FSTL5: variants seen among roughly 807,000 people sequenced by gnomAD.
FSTL5 encodes the protein follistatin-related protein 5.
In FSTL5, 62 loss-of-function variants were observed where a neutral mutation model predicts 89.1. The ratio of observed to expected loss-of-function variants is 0.70; its 90% confidence interval spans 0.57 to 0.86. The LOEUF is 0.86. FSTL5 is among the 40% of genes least tolerant of loss of function. FSTL5 has a pLI of 0.00. For synonymous variants in FSTL5, 383 were observed against 346.2 expected, an observed-to-expected ratio of 1.11 and a Z score of -1.18; for missense variants, 1,057 against 1,001.6, an observed-to-expected ratio of 1.06 and a Z score of -0.75.
chr4:161,956,946 T>A (rs911468052), intron 3 of FSTL5, among the ~76,000 whole-genome samples: 2 of 152,118 alleles, frequency 1.3e-5, no homozygotes, highest in Admixed American at 6.6e-5. Context: ...AGCATACTTT[T>A]AAAAAACCTA....
chr4:162,107,945 A>G (rs1286273581), intron 2 of FSTL5, among the ~76,000 whole-genome samples: 1 of 152,176 alleles, frequency 6.6e-6, no homozygotes. Flanking sequence ...GGATTATTAT[A>G]TAAATTACAA....
chr4:161,886,376 T>A (rs1299297360), intron 4 of FSTL5, among the ~76,000 whole-genome samples: 1 of 152,186 alleles, frequency 6.6e-6, no homozygotes, highest in Admixed American at 6.5e-5. Context: ...TTACATAACA[T>A]CATTCTCTAA....
chr4:161,470,539 T>G (rs1286371353), intron 13 of FSTL5, among the ~76,000 whole-genome samples: 1 of 152,168 alleles, frequency 6.6e-6, no homozygotes, highest in Non-Finnish European at 1.5e-5. Context: ...TCCAGCTTTG[T>G]TCTTCTTTTG....
At chr4:162,112,814 C>CACACA (rs1301455972) in intron 1 of FSTL5, among the ~76,000 whole-genome samples, 1 of 146,282 alleles carries the variant, frequency 6.8e-6, no homozygotes, top group South Asian at 2.2e-4. Context: ...CACACACACA[C>CACACA]ACCAGTGGGC....
chr4:162,116,998 C>T (rs1474146982), intron 1 of FSTL5, among the ~76,000 whole-genome samples: 2 of 152,176 alleles, frequency 1.3e-5, no homozygotes, highest in Non-Finnish European at 1.5e-5. Context: ...GAAAGGCTAT[C>T]ACTCTTACAA....
chr4:161,783,931 AATT>A (rs551211944), intron 4 of FSTL5, among the ~76,000 whole-genome samples: 14 of 147,162 alleles, frequency 9.5e-5, no homozygotes, highest in Admixed American at 3.5e-4. Context: ...ATGCCTGGCT[AATT>A]ATTATTATTA....
At chr4:162,109,985 A>C (rs943240716) in intron 2 of FSTL5, among the ~76,000 whole-genome samples, 2 of 152,024 alleles carry the variant, frequency 1.3e-5, no homozygotes, top group African/African-American at 4.8e-5. Context: ...TTATTAGTCC[A>C]TGAGGTAGGA....
intron 11 of FSTL5, among the ~76,000 whole-genome samples, chr4:161,500,735 T>C (rs4691010): frequency 0.26 from 39,792 of 152,106 alleles, 6,068 homozygotes; most frequent in South Asian, 0.42. Flanking sequence ...TTAAGGTATC[T>C]GAAAAATCTT....
At chr4:161,583,655 G>A (rs933788063) in intron 8 of FSTL5, among the ~76,000 whole-genome samples, 1 of 152,108 alleles carries the variant, frequency 6.6e-6, no homozygotes, top group Non-Finnish European at 1.5e-5. Context: ...TTGTGGTTAA[G>A]ACTAGAACTG....
At chr4:161,924,510 TA>T (rs1000280608) in intron 3 of FSTL5, among the ~76,000 whole-genome samples, 4 of 151,646 alleles carry the variant, frequency 2.6e-5, no homozygotes, top group African/African-American at 9.7e-5. Flanking sequence ...ATATGATACA[TA>T]AAAAGAATAA....
chr4:161,388,941 G>T (rs916341528), intron 15 of FSTL5, among the ~76,000 whole-genome samples: 1 of 152,208 alleles, frequency 6.6e-6, no homozygotes, highest in East Asian at 1.9e-4. Context: ...AAATGGTCCA[G>T]TTAAAAATGC....
intron 15 of FSTL5, chr4:161,388,232 T>C (rs1360106812): frequency 6.6e-6 from 1 of 152,066 alleles, no homozygotes; most frequent in Non-Finnish European, 1.5e-5. Context: ...CTTTTCTGTG[T>C]CCTTAATAAA....
intron 6 of FSTL5, among the ~76,000 whole-genome samples, chr4:161,697,095 A>C (rs563687046): frequency 6.6e-6 from 1 of 152,292 alleles, no homozygotes; most frequent in Non-Finnish European, 1.5e-5. Flanking sequence ...CTGTCAACAC[A>C]CAACTCAGAT....
intron 12 of FSTL5, among the ~76,000 whole-genome samples, chr4:161,485,680 T>C (rs973872122): frequency 2.6e-5 from 4 of 152,166 alleles, no homozygotes; most frequent in Admixed American, 6.6e-5. Flanking sequence ...CAGGAGACTA[T>C]TGAATAGTAA....
intron 2 of FSTL5, among the ~76,000 whole-genome samples, chr4:162,105,954 A>T (rs886978752): frequency 4.6e-5 from 7 of 152,070 alleles, no homozygotes; most frequent in African/African-American, 1.7e-4. Flanking sequence ...CCCTCTAAGA[A>T]GTCAAAGTTT....
intron 4 of FSTL5, among the ~76,000 whole-genome samples, chr4:161,796,000 C>A (rs1250757342): frequency 1.3e-5 from 2 of 151,702 alleles, no homozygotes; most frequent in African/African-American, 2.4e-5. Flanking sequence ...ATATGCACAG[C>A]CAAAAATACA....
At chr4:161,753,908 G>A (rs1740483903) in intron 6 of FSTL5, among the ~76,000 whole-genome samples, 1 of 151,874 alleles carries the variant, frequency 6.6e-6, no homozygotes, top group Non-Finnish European at 1.5e-5. Context: ...CGGGCGTGGT[G>A]GCTGGCGCCT....
intron 13 of FSTL5, among the ~76,000 whole-genome samples, chr4:161,472,776 G>A (rs1166371179): frequency 6.6e-6 from 1 of 150,844 alleles, no homozygotes; most frequent in Non-Finnish European, 1.5e-5. Context: ...CCAGGCTGGA[G>A]TGCAGCGGCA....
intron 3 of FSTL5, among the ~76,000 whole-genome samples, chr4:161,963,863 G>T (rs1463377124): frequency 1.3e-5 from 2 of 151,868 alleles, no homozygotes; most frequent in African/African-American, 4.8e-5. Context: ...AGTGATCTGA[G>T]TAATTTCTGA....
Sources: allele counts gnomAD v4.1 joint callset (sites outside exome capture counted in the v4.1 genomes callset), GRCh38; gene constraint gnomAD v4.1.1; transcripts MANE v1.5; gene names NCBI Gene and HGNC (gene_info 2026-07-23, HGNC 2026-07-21).